ADARB2: variants seen among roughly 807,000 people sequenced by gnomAD.
ADARB2 encodes adenosine deaminase RNA specific B2 (inactive), also known as inactive double-stranded RNA-specific editase B2.
ADARB2 carries 25 observed loss-of-function variants against 62.2 expected under a neutral mutation model. The observed-to-expected ratio is 0.40, with a 90% CI of 0.29 to 0.56. ADARB2 has a LOEUF of 0.56. Among genes scored for constraint, ADARB2 ranks in the 20% least tolerant of loss-of-function variants. ADARB2 has a pLI of 0.43. For synonymous variants in ADARB2, 572 were observed against 500.8 expected (o/e 1.14, Z -1.90); for missense variants, 1,071 against 1,077.4 (o/e 0.99, Z 0.08).
At chr10:1,329,688 TTTA>T (rs1460750598) in intron 3 of ADARB2, among the ~76,000 whole-genome samples, 4 of 152,178 alleles carry the variant, frequency 2.6e-5, no homozygotes, top group Non-Finnish European at 5.9e-5. Context: ...TTAAGATCTG[TTTA>T]TTCGATGGTG....
chr10:1,571,983 G>C (rs528598144), intron 1 of ADARB2, among the ~76,000 whole-genome samples: 187 of 149,048 alleles, frequency 1.3e-3, no homozygotes, highest in African/African-American at 4.5e-3. Context: ...GAGTGTGCTG[G>C]TGAGTGTGCA....
intron 1 of ADARB2, among the ~76,000 whole-genome samples, chr10:1,541,715 C>A (rs1424686345): frequency 1.7e-5 from 1 of 59,696 alleles, no homozygotes; most frequent in African/African-American, 7.7e-5. Context: ...CGTCCAGACC[C>A]CACTCAGACG....
intron 8 of ADARB2, among the ~76,000 whole-genome samples, chr10:1,189,933 C>T (rs113489139): frequency 1.3e-4 from 16 of 122,412 alleles, no homozygotes; most frequent in East Asian, 4.7e-4. Context: ...CTCCTTCCCC[C>T]GAACACGTGG....
At chr10:1,567,767 C>T (rs957604424) in intron 1 of ADARB2, among the ~76,000 whole-genome samples, 2 of 152,162 alleles carry the variant, frequency 1.3e-5, no homozygotes, top group Admixed American at 6.5e-5. Context: ...AAGGATTCGT[C>T]CACTACCATG....
chr10:1,324,169 C>G (rs1350944443), intron 3 of ADARB2, among the ~76,000 whole-genome samples: 3 of 152,154 alleles, frequency 2.0e-5, no homozygotes, highest in Non-Finnish European at 2.9e-5. Context: ...ATTAGTCATT[C>G]AGGAAATGCA....
At chr10:1,203,528 G>T (rs1346022684) in intron 7 of ADARB2, among the ~76,000 whole-genome samples, 1 of 152,228 alleles carries the variant, frequency 6.6e-6, no homozygotes, top group African/African-American at 2.4e-5. Flanking sequence ...CCGTCCCGGC[G>T]TCTGCAGCTC....
Position 1,233,812 on chromosome 10 carries a change from G to A in ADARB2, c.1395C>T (p.Phe465=), listed in dbSNP as rs267602405. Residue 465 remains phenylalanine (F), a synonymous_variant, in exon 6 of 10, where the codon TTC becomes TTT. Transcript: ENST00000381312. ...GGTAGCCACCTTCTTTTAACCGCAC[G>A]AATATCGATCGCTCTGAGTCCTCGC... The part of the protein sequence containing the change: ...KRREDSERSI[F]VRLKEGGYRL... 5 of 1,613,900 alleles carry A rather than the reference G, an allele frequency of 3.1e-6. No homozygotes were observed. Among genetic ancestry groups the A allele is most frequent in the East Asian group, 2.2e-5 (1 of 44,882 alleles).
At chr10:1,209,008 A>C (rs1837106878) in intron 7 of ADARB2, among the ~76,000 whole-genome samples, 1 of 152,128 alleles carries the variant, frequency 6.6e-6, no homozygotes, top group African/African-American at 2.4e-5. Context: ...CTTGTGGTTC[A>C]TCGTGGGTCC....
intron 1 of ADARB2, among the ~76,000 whole-genome samples, chr10:1,520,693 G>C (rs773002298): frequency 6.6e-6 from 1 of 152,230 alleles, no homozygotes; most frequent in Non-Finnish European, 1.5e-5. Context: ...CTAAAAATCT[G>C]AGTTAAGGTC....
chr10:1,196,791 G>T (rs1157871828), intron 8 of ADARB2, among the ~76,000 whole-genome samples: 1 of 151,982 alleles, frequency 6.6e-6, no homozygotes, highest in Non-Finnish European at 1.5e-5. Flanking sequence ...CTGTAGACAT[G>T]GGGTCTGGCT....
intron 1 of ADARB2, among the ~76,000 whole-genome samples, chr10:1,602,869 A>G (rs1459777351): frequency 5.3e-5 from 8 of 152,040 alleles, no homozygotes; most frequent in Admixed American, 5.2e-4. Flanking sequence ...ACACATACAC[A>G]TATCAACACA....
At chr10:1,500,692 C>A (rs2813428) in intron 1 of ADARB2, among the ~76,000 whole-genome samples, 25,052 of 152,088 alleles carry the variant, frequency 0.16, 2,353 homozygotes, top group Middle Eastern at 0.23. Context: ...TCTTGCCCAG[C>A]TGTTATAGGT....
Position 1,477,304 on chromosome 10 carries a change from G to A in ADARB2, c.101-98144C>T, listed in dbSNP as rs912768538. ...GGGGAGAACAGTTGTTCTGAGAGAC[G>A]GCCAATCACAGGCAACTGCTGGCAT... On this transcript the variant is annotated intron_variant, in intron 1 of 9. Transcript: ENST00000381312. This position sits in a 1 kb window ranked among gnomAD's most constrained non-coding sequence, Gnocchi z 4.5. Among the ~76,000 whole-genome samples the A allele has an allele frequency of 6.6e-6, 1 of 152,118 alleles. No individual in the cohort carries two copies. The highest frequency in any genetic ancestry group is 6.6e-5 in the Admixed American group (1 of 15,264).
chr10:1,311,892 T>C (rs1831695507), intron 3 of ADARB2, among the ~76,000 whole-genome samples: 2 of 152,118 alleles, frequency 1.3e-5, no homozygotes, highest in South Asian at 4.1e-4. Context: ...TTTAGGAAAG[T>C]GGAAGGAATG....
intron 1 of ADARB2, among the ~76,000 whole-genome samples, chr10:1,644,144 C>T (rs1834008603): frequency 6.6e-6 from 1 of 152,254 alleles, no homozygotes; most frequent in South Asian, 2.1e-4. Context: ...CAAATTCCCT[C>T]TGTCAACCAC....
intron 1 of ADARB2, among the ~76,000 whole-genome samples, chr10:1,407,620 G>C (rs554004898): frequency 6.6e-6 from 1 of 152,158 alleles, no homozygotes. Context: ...GCCCTTCCTC[G>C]GGGCATAGTC....
At chr10:1,496,524 C>T (rs1302686060) in intron 1 of ADARB2, among the ~76,000 whole-genome samples, 2 of 152,024 alleles carry the variant, frequency 1.3e-5, no homozygotes, top group African/African-American at 4.8e-5. Flanking sequence ...CCAACATCAC[C>T]ATGATCTTCA....
At chr10:1,222,177 G>A (rs1337672716) in intron 6 of ADARB2, among the ~76,000 whole-genome samples, 2 of 152,200 alleles carry the variant, frequency 1.3e-5, no homozygotes, top group Admixed American at 6.5e-5. Context: ...GTGATGATGA[G>A]CATTTTTTCA....
chr10:1,531,592 C>A (rs1248981312), intron 1 of ADARB2, among the ~76,000 whole-genome samples: 5 of 152,170 alleles, frequency 3.3e-5, no homozygotes, highest in East Asian at 1.9e-4. Flanking sequence ...GTAATCCTAG[C>A]ACTTTGGGAG....
Sources: gnomAD v4.1 joint callset for allele counts (sites outside exome capture counted in the v4.1 genomes callset) on GRCh38, gnomAD v4.1.1 for gene constraint, Gnocchi (gnomAD v3.1) non-coding constraint, MANE v1.5 for transcripts, NCBI Gene and HGNC (gene_info 2026-07-23, HGNC 2026-07-21) for gene names.